Variants in INTS8 observed in about 807,000 individuals in gnomAD.
INTS8 encodes the protein integrator complex subunit 8, also known as protein kaonashi-1.
Under a neutral mutation model 138.9 loss-of-function variants are expected in INTS8, and 47 were observed. The ratio of observed to expected loss-of-function variants is 0.34; its 90% CI spans 0.27 to 0.43. The LOEUF is 0.43. Among genes scored for constraint, INTS8 ranks in the 20% least tolerant of loss-of-function variants. The probability of loss-of-function intolerance (pLI) is 1.00; values close to 1 mark genes in which losing one functional copy is unlikely to be tolerated. For missense variants in INTS8, 996 were observed against 1,173.0 expected, an observed-to-expected ratio of 0.85 and a Z score of 2.20; for synonymous variants, 392 against 400.9, an observed-to-expected ratio of 0.98 and a Z score of 0.27.
intron 6 of INTS8, among the ~76,000 whole-genome samples, chr8:94,835,568 C>A (rs1265806452): frequency 6.6e-6 from 1 of 152,012 alleles, no homozygotes; most frequent in East Asian, 1.9e-4. Context: ...TAGAAAATTC[C>A]CGATCTTTTC....
chr8:94,866,405 G>A lies in INTS8; in HGVS notation c.2295+214G>A, dbSNP rs1193035041. 5.7e-6 allele frequency: 3 copies of A among 522,932 alleles called. No individual in the cohort carries two copies. The East Asian group carries it at 1.2e-4, about 21-fold the overall frequency. 32.4% of individuals were successfully genotyped at this position (522,932 alleles called of 1,614,324 possible). A position where few individuals can be genotyped will look rare whatever the true frequency, so the allele number is the denominator to read the frequency against. ...ATTCTTGAGGTTAAGCAGTCCTCCT[G>A]CCTCAGCTTTCTGAGGAACTGGGAC... is the stretch of plus-strand genomic sequence containing the variant. On this transcript the variant is annotated intron_variant, in intron 18 of 26. Coordinates refer to ENST00000523731, the MANE Select transcript of INTS8 (RefSeq NM_017864.4).
intron 2 of INTS8, 92 bp downstream of exon 2, chr8:94,825,159 A>C (rs1814443934): frequency 1.1e-6 from 1 of 925,082 alleles, no homozygotes; most frequent in East Asian, 2.6e-5. Flanking sequence ...GGCTCTTAAA[A>C]ATTACGTGCT....
intron 20 of INTS8, 52 bp downstream of exon 20, chr8:94,867,389 C>T (rs937681312): frequency 5.9e-6 from 8 of 1,347,218 alleles, no homozygotes; most frequent in Non-Finnish European, 8.4e-6. Flanking sequence ...TATTTGGAAA[C>T]CATTCTGACT....
chr8:94,857,366 C>G (rs1238935261), intron 15 of INTS8, among the ~76,000 whole-genome samples: 1 of 152,074 alleles, frequency 6.6e-6, no homozygotes, highest in Admixed American at 6.6e-5. Flanking sequence ...GCCACCATGC[C>G]CAGCTGAGTT....
chr8:94,838,272 G>A (rs1264423840), intron 7 of INTS8, among the ~76,000 whole-genome samples, 191 bp from the exon 8 acceptor site: 1 of 152,018 alleles, frequency 6.6e-6, no homozygotes, highest in Non-Finnish European at 1.5e-5. Flanking sequence ...GGCTAGTCTC[G>A]AACTCCCGAC....
In INTS8 at chr8:94,870,379, T is replaced by C. The variant is rs1586526509; in HGVS notation, c.2415-1505T>C. On this transcript the variant is annotated intron_variant, in intron 20 of 26. Transcript: ENST00000523731. ...AATAATACATTTTCTAAGCTAGATA[T>C]TTAGAATAAAGACTGGTACATAGTA... Among the ~76,000 whole-genome samples the C allele has an allele frequency of 3.3e-5, 5 of 152,296 alleles. 1 individual carries two copies. The Middle Eastern group carries it at 0.017, about 518-fold the overall frequency.
Position 94,832,114 on chromosome 8 carries a change from T to C in INTS8, c.693T>C (p.Asn231=). Residue 231 remains asparagine, a synonymous_variant, in exon 6 of 27, where the codon AAT becomes AAC. Coordinates refer to ENST00000523731, the MANE Select transcript of INTS8 (RefSeq NM_017864.4). ...DLLAMEPGMV[N]GETESSTAGL... ...TGGCCATGGAACCAGGCATGGTAAA[T>C]GGAGAAACTGAGAGTTCTACTGCTG... 1 of 1,613,928 alleles carries C rather than the reference T, an allele frequency of 6.2e-7. No individual in the cohort carries two copies. The highest frequency in any genetic ancestry group is 8.5e-7 in the Non-Finnish European group (1 of 1,179,958).
In INTS8 at chr8:94,881,219, C is replaced by CGT. The variant is rs1182804895; in HGVS notation, c.*985_*986insGT. 3.5e-5 allele frequency: 13 copies of CGT among 367,662 alleles called. No homozygotes were observed. The highest frequency in any genetic ancestry group is 6.3e-5 in the Non-Finnish European group (13 of 207,592). The allele number at this position is 367,662 out of a possible 1,614,324, so 22.8% of individuals were successfully genotyped here. On this transcript the variant is annotated 3_prime_UTR_variant, in exon 27 of 27. Coordinates refer to ENST00000523731, the MANE Select transcript of INTS8 (RefSeq NM_017864.4). ...TCAAGAGTGTAGGAATTTTGAGAAT[C>CGT]TAACAACTAGATTCAAAGTACTGTA...
Position 94,876,127 on chromosome 8 carries a change from A to T in INTS8, c.2742A>T (p.Lys914Asn). The T allele has an allele frequency of 6.2e-7, 1 of 1,611,514 alleles. No individual in the cohort carries two copies. Among genetic ancestry groups the T allele is most frequent in the Non-Finnish European group, 8.5e-7 (1 of 1,177,848 alleles). Reference sequence around the variant, plus strand: ...AAATTGACTACAAAACAGCGTTTAAATCTCTGCAAGAACAAAACAGGTATG... The same window carrying T: ...AAATTGACTACAAAACAGCGTTTAATTCTCTGCAAGAACAAAACAGGTATG... ...LREIDYKTAF[K>N]SLQEQNSHDA... The change falls in exon 24 of 27, where the codon AAA becomes AAT. Residue 914 changes from lysine to asparagine, a missense_variant. Transcript: ENST00000523731.
intron 16 of INTS8, among the ~76,000 whole-genome samples, chr8:94,860,598 A>AC (rs1815923482): frequency 6.6e-6 from 1 of 150,782 alleles, no homozygotes; most frequent in African/African-American, 2.4e-5. Flanking sequence ...AAAAAAAAAA[A>AC]AAAAAACCCA....
intron 14 of INTS8, 56 bp downstream of exon 14, chr8:94,853,971 C>T (rs1241228944): frequency 7.3e-6 from 8 of 1,093,484 alleles, no homozygotes; most frequent in Admixed American, 1.7e-5. Context: ...GGTCAGGTGC[C>T]GTGGCTCATA....
intron 20 of INTS8, 126 bp from the exon 21 acceptor site, chr8:94,871,758 T>A (rs1432864680): frequency 9.2e-6 from 6 of 651,104 alleles, no homozygotes; most frequent in Non-Finnish European, 1.6e-5. Context: ...CATTTACTCC[T>A]AGTATTTAGC....
chr8:94,862,677 A>G (rs1215398184), intron 16 of INTS8, among the ~76,000 whole-genome samples: 1 of 152,200 alleles, frequency 6.6e-6, no homozygotes, highest in Non-Finnish European at 1.5e-5. Flanking sequence ...GTCTCTTCAT[A>G]TGTCATCTGG....
intron 10 of INTS8, among the ~76,000 whole-genome samples, chr8:94,847,643 A>C (rs1815379434): frequency 6.6e-6 from 1 of 152,094 alleles, no homozygotes; most frequent in African/African-American, 2.4e-5. Context: ...ATTAGTATTA[A>C]AATTTATTAT....
rs751329641 is a variant in INTS8, at chr8:94,832,169, TGCCAGGTATTCA to T, written c.749_753+7del. On this transcript the variant is annotated splice_donor_variant and splice_donor_5th_base_variant and coding_sequence_variant and intron_variant, in exon 6 of 27. Coordinates refer to ENST00000523731, the MANE Select transcript of INTS8 (RefSeq NM_017864.4). LOFTEE classifies it high-confidence loss of function. ...GAAAGTCAAAACCGAAGAAATGCAG[TGCCAGGTATTCA>T]TTTGATACTTAATTTACGTAGGGCA... is the stretch of plus-strand genomic sequence containing the variant. The T allele has an allele frequency of 6.2e-7, 1 of 1,610,268 alleles. No individual in the cohort carries two copies. Among genetic ancestry groups the T allele is most frequent in the Non-Finnish European group, 8.5e-7 (1 of 1,179,030 alleles).
chr8:94,859,736 G>A, intron 16 of INTS8, 104 bp downstream of exon 16: 1 of 891,550 alleles, frequency 1.1e-6, no homozygotes, highest in African/African-American at 1.7e-5. Context: ...TGATACAAAT[G>A]ATTGGACAAA....
At chr8:94,851,487 T>C in intron 12 of INTS8, 66 bp from the exon 13 acceptor site, 1 of 1,134,556 alleles carries the variant, frequency 8.8e-7, no homozygotes, top group East Asian at 2.7e-5. Context: ...ATACATAATT[T>C]TAAGTAAATT....
At chr8:94,843,852 A>G (rs187634964) in intron 10 of INTS8, among the ~76,000 whole-genome samples, 126 of 152,304 alleles carry the variant, frequency 8.3e-4, no homozygotes, top group African/African-American at 2.8e-3. Flanking sequence ...TCATCAGTCA[A>G]CATCCTTGTT....
chr8:94,855,602 C>G (rs114290024), intron 14 of INTS8, among the ~76,000 whole-genome samples: 2 of 152,098 alleles, frequency 1.3e-5, no homozygotes, highest in Admixed American at 6.5e-5. Context: ...TTTATTGTTT[C>G]ATTTATTCAC....
Sources: gnomAD v4.1 joint callset for allele counts (sites outside exome capture counted in the v4.1 genomes callset) on GRCh38, gnomAD v4.1.1 for gene constraint, MANE v1.5 for transcripts, NCBI Gene and HGNC (gene_info 2026-07-23, HGNC 2026-07-21) for gene names.